The following NEK6 variants were observed in gnomAD, a reference collection of about 807,000 sequenced individuals.
NEK6 encodes NIMA related kinase 6.
A neutral mutation model predicts 43.5 loss-of-function variants in NEK6; 27 were observed. The ratio of observed to expected loss-of-function variants is 0.62; its 90% CI spans 0.46 to 0.86. The LOEUF is 0.86. Ranked by LOEUF, NEK6 falls within the 40% of genes least tolerant of loss-of-function variation. The pLI, the probability that NEK6 is intolerant of heterozygous loss-of-function variation, is 0.00. For missense variants in NEK6, 318 were observed against 414.4 expected, an observed-to-expected ratio of 0.77 and a Z score of 2.02; for synonymous variants, 167 against 164.1, an observed-to-expected ratio of 1.02 and a Z score of -0.14.
chr9:124,338,084 G>A (rs987304721), intron 7 of NEK6, among the ~76,000 whole-genome samples: 2 of 152,158 alleles, frequency 1.3e-5, no homozygotes, highest in African/African-American at 4.8e-5. Flanking sequence ...GGGTTCAAGG[G>A]TTTCTTCTGC....
intron 1 of NEK6, among the ~76,000 whole-genome samples, chr9:124,279,040 G>A (rs1831774527): frequency 6.6e-6 from 1 of 152,088 alleles, no homozygotes; most frequent in South Asian, 2.1e-4. Flanking sequence ...TTTGGGCGAA[G>A]TTTCCCAGCA....
chr9:124,309,423 A>G (rs1373253834), intron 2 of NEK6, among the ~76,000 whole-genome samples: 1 of 152,210 alleles, frequency 6.6e-6, no homozygotes, highest in Non-Finnish European at 1.5e-5. Flanking sequence ...CACTAGTCAC[A>G]GTAAGAAGCC....
chr9:124,297,911 AT>A (rs1446763950), intron 1 of NEK6, among the ~76,000 whole-genome samples: 13 of 152,182 alleles, frequency 8.5e-5, no homozygotes, highest in Non-Finnish European at 5.9e-5. Flanking sequence ...TCTGACAGGA[AT>A]TTCCAGAGCA....
At chr9:124,327,293 C>G in intron 6 of NEK6, 45 bp from the exon 7 acceptor site, 3 of 1,548,432 alleles carry the variant, frequency 1.9e-6, no homozygotes, top group Non-Finnish European at 2.7e-6. Flanking sequence ...CCCACCTACC[C>G]CAAGCCTCCT....
chr9:124,305,808 G>T (rs1390182123), intron 2 of NEK6, among the ~76,000 whole-genome samples: 1 of 152,154 alleles, frequency 6.6e-6, no homozygotes, highest in Non-Finnish European at 1.5e-5. Context: ...ATTTGGGGTG[G>T]GACAGGGAGA....
At chr9:124,334,822 G>A (rs957970570) in intron 7 of NEK6, among the ~76,000 whole-genome samples, 1 of 152,166 alleles carries the variant, frequency 6.6e-6, no homozygotes, top group Non-Finnish European at 1.5e-5. Flanking sequence ...CTTGCTTTCC[G>A]ATGGTCCTGG....
chr9:124,350,532 A>G lies in NEK6; in HGVS notation c.832-305A>G, dbSNP rs560878419. Among the ~76,000 whole-genome samples, 1,097 of 137,992 alleles carry G rather than the reference A, an allele frequency of 7.9e-3. 11 individuals are homozygous for G. Among genetic ancestry groups the G allele is most frequent in the African/African-American group, 0.027 (1,016 of 37,032 alleles). The allele number at this position is 137,992 out of a possible 152,430, so 90.5% of individuals were successfully genotyped here. A position where few individuals can be genotyped will look rare whatever the true frequency, so the allele number is the denominator to read the frequency against. On this transcript the variant is annotated intron_variant, in intron 9 of 9. Coordinates refer to ENST00000320246, the MANE Select transcript of NEK6 (RefSeq NM_014397.6). ...CACACACACACACACACACACACAC[A>G]ATTTGCCCAATGGTGTGGACAGCTA...
chr9:124,335,681 C>A (rs980259480), intron 7 of NEK6, among the ~76,000 whole-genome samples: 6 of 152,242 alleles, frequency 3.9e-5, no homozygotes, highest in African/African-American at 1.4e-4. Flanking sequence ...TATGAGCCGT[C>A]CTGCGCAGGG....
intron 1 of NEK6, among the ~76,000 whole-genome samples, chr9:124,281,241 A>G (rs1199197181): frequency 5.3e-5 from 8 of 152,162 alleles, no homozygotes; most frequent in African/African-American, 1.9e-4. Flanking sequence ...TCACTGGAAT[A>G]TACTGGTCAG....
intron 1 of NEK6, among the ~76,000 whole-genome samples, chr9:124,268,280 A>G (rs1831301105): frequency 6.6e-6 from 1 of 152,152 alleles, no homozygotes; most frequent in African/African-American, 2.4e-5. Context: ...TTTATTAGCT[A>G]ATTAAGTGGT....
At chr9:124,274,862 G>A (rs1205331390) in intron 1 of NEK6, among the ~76,000 whole-genome samples, 2 of 152,154 alleles carry the variant, frequency 1.3e-5, no homozygotes, top group Non-Finnish European at 1.5e-5. Flanking sequence ...TCCAGTGCCG[G>A]CTCTGATAGA....
At chr9:124,276,253 G>A (rs939338052) in intron 1 of NEK6, among the ~76,000 whole-genome samples, 1 of 152,158 alleles carries the variant, frequency 6.6e-6, no homozygotes, top group Non-Finnish European at 1.5e-5. Flanking sequence ...GCTCCCCAGG[G>A]GCTTCAGTGG....
chr9:124,313,068 G>T (rs533293555), intron 3 of NEK6, among the ~76,000 whole-genome samples: 1 of 152,150 alleles, frequency 6.6e-6, no homozygotes, highest in East Asian at 1.9e-4. Context: ...TGCCTTCTGC[G>T]TCCCTCCTAA....
Position 124,327,457 on chromosome 9 carries a change from C to T in NEK6, c.622+12C>T. On this transcript the variant is annotated intron_variant, in intron 7 of 9. Transcript: ENST00000320246. The stretch of plus-strand genomic sequence containing the variant: ...AGCCCACTCCCTAGGTAAGGGGGAC[C>T]TGTCTGTGCCCCAGCAGCCCCCAGC... 6.3e-7 allele frequency: 1 copy of T among 1,597,792 alleles called. No individual in the cohort carries two copies. The highest frequency in any genetic ancestry group is 8.6e-7 in the Non-Finnish European group (1 of 1,167,406).
intron 1 of NEK6, among the ~76,000 whole-genome samples, chr9:124,290,926 T>C (rs1832388190): frequency 6.6e-6 from 1 of 152,184 alleles, no homozygotes; most frequent in Admixed American, 6.5e-5. Flanking sequence ...CCTGGGGACC[T>C]GTAAGAACAG....
chr9:124,345,123 C>G (rs897829139), intron 8 of NEK6, among the ~76,000 whole-genome samples: 2 of 152,226 alleles, frequency 1.3e-5, no homozygotes. Flanking sequence ...ATATGTCACC[C>G]TGATGACACC....
chr9:124,276,409 C>T (rs1831652556), intron 1 of NEK6, among the ~76,000 whole-genome samples: 1 of 152,170 alleles, frequency 6.6e-6, no homozygotes, highest in African/African-American at 2.4e-5. Flanking sequence ...ATACCTGGAT[C>T]TGGCTTGGGA....
chr9:124,334,061 G>C (rs1829166849), intron 7 of NEK6, among the ~76,000 whole-genome samples: 2 of 152,208 alleles, frequency 1.3e-5, no homozygotes, highest in African/African-American at 4.8e-5. Context: ...ACAGGCGTGA[G>C]CCACCACGCC....
At chr9:124,335,288 G>A (rs2131010729) in intron 7 of NEK6, among the ~76,000 whole-genome samples, 1 of 152,204 alleles carries the variant, frequency 6.6e-6, no homozygotes, top group East Asian at 1.9e-4. Flanking sequence ...AATATACAAG[G>A]TGTTGCTACT....
Sources: allele counts gnomAD v4.1 joint callset (sites outside exome capture counted in the v4.1 genomes callset), GRCh38; gene constraint gnomAD v4.1.1; transcripts MANE v1.5; gene names NCBI Gene and HGNC (gene_info 2026-07-23, HGNC 2026-07-21).